Variants in PRKG1 observed in about 807,000 individuals in gnomAD.
The protein encoded by PRKG1 is protein kinase cGMP-dependent 1.
A neutral mutation model predicts 88.1 loss-of-function variants in PRKG1; 35 were observed. That is an observed-to-expected ratio of 0.40 (90% confidence interval 0.30 to 0.53). The LOEUF is 0.53. Ranked by LOEUF, PRKG1 falls within the 20% of genes least tolerant of loss-of-function variation. PRKG1 has a pLI of 0.59. For synonymous variants in PRKG1, 303 were observed against 292.5 expected, an observed-to-expected ratio of 1.04 and a Z score of -0.37; for missense variants, 540 against 839.8, an observed-to-expected ratio of 0.64 and a Z score of 4.41.
rs770343227 is a variant in PRKG1, at chr10:51,467,966, A to G, written c.592+130A>G. On this transcript the variant is annotated intron_variant, in intron 3 of 17. Coordinates refer to ENST00000373980, the MANE Select transcript of PRKG1 (RefSeq NM_006258.4). ...TTTGTATTTTAATTTTTGCCCTGCA[A>G]TATAGCTGATGTATTTGTTTTCCTA... The G allele has an allele frequency of 1.9e-5, 14 of 753,106 alleles. No homozygotes were observed. In the South Asian group the frequency reaches 2.2e-4, roughly 12 times the overall value. 46.7% of individuals were successfully genotyped at this position (753,106 alleles called of 1,614,324 possible).
At chr10:51,119,160 C>T (rs1466113118) in intron 1 of PRKG1, among the ~76,000 whole-genome samples, 1 of 152,040 alleles carries the variant, frequency 6.6e-6, no homozygotes, top group Non-Finnish European at 1.5e-5. Flanking sequence ...TTATTTGTAA[C>T]ATATAGGCTA....
At chr10:51,740,286 C>G (rs1042704817) in intron 3 of PRKG1, among the ~76,000 whole-genome samples, 2 of 152,200 alleles carry the variant, frequency 1.3e-5, no homozygotes, top group African/African-American at 4.8e-5. Flanking sequence ...GCCCTGGCCT[C>G]CCAAAGTGCT....
intron 2 of PRKG1, among the ~76,000 whole-genome samples, chr10:51,274,394 T>A (rs912763080): frequency 6.6e-6 from 1 of 152,168 alleles, no homozygotes; most frequent in Admixed American, 6.6e-5. Flanking sequence ...TGAAGTTTGA[T>A]TACTGCACAC....
intron 7 of PRKG1, among the ~76,000 whole-genome samples, chr10:52,075,334 C>T (rs973247542): frequency 6.6e-6 from 1 of 152,152 alleles, no homozygotes; most frequent in Non-Finnish European, 1.5e-5. Flanking sequence ...GATCTATACG[C>T]TCACCGCAAT....
chr10:51,910,410 G>A (rs1842191459), intron 5 of PRKG1: 1 of 152,140 alleles, frequency 6.6e-6, no homozygotes, highest in Admixed American at 6.5e-5. Flanking sequence ...ATGGTTCCAA[G>A]GTCCTTGAGA....
At chr10:51,123,711 A>G (rs1053421579) in intron 1 of PRKG1, among the ~76,000 whole-genome samples, 1 of 148,384 alleles carries the variant, frequency 6.7e-6, no homozygotes, top group Non-Finnish European at 1.5e-5. Context: ...AAAAAAAATT[A>G]CTGGAGGCTC....
At chr10:51,937,515 T>C (rs927397817) in intron 5 of PRKG1, among the ~76,000 whole-genome samples, 3 of 152,060 alleles carry the variant, frequency 2.0e-5, no homozygotes, top group Admixed American at 6.6e-5. Flanking sequence ...TGAATTCTTT[T>C]CGTTCCAGTC....
chr10:51,974,529 A>T (rs1247522853), intron 5 of PRKG1, among the ~76,000 whole-genome samples: 1 of 152,124 alleles, frequency 6.6e-6, no homozygotes. Flanking sequence ...TGTCATCTGT[A>T]CTTTAGACAC....
chr10:51,204,284 A>T (rs1236078505), intron 2 of PRKG1, among the ~76,000 whole-genome samples: 1 of 152,118 alleles, frequency 6.6e-6, no homozygotes, highest in Admixed American at 6.5e-5. Flanking sequence ...TTTCCTGAAA[A>T]TGATGGGAAG....
intron 3 of PRKG1, chr10:51,698,162 G>A (rs752151308): frequency 3.1e-6 from 5 of 1,613,990 alleles, no homozygotes; most frequent in African/African-American, 2.7e-5. Flanking sequence ...ACTGGGGACA[G>A]GGCCCCTCAT....
At chr10:51,381,274 A>G (rs1291455115) in intron 2 of PRKG1, among the ~76,000 whole-genome samples, 3 of 70,764 alleles carry the variant, frequency 4.2e-5, no homozygotes, top group African/African-American at 1.3e-4. Context: ...AAAAAAAAAA[A>G]AAAAAAAAAA....
chr10:51,436,845 G>A (rs972146261), intron 2 of PRKG1, among the ~76,000 whole-genome samples: 3 of 151,984 alleles, frequency 2.0e-5, no homozygotes, highest in Admixed American at 2.0e-4. Context: ...AGACCTGTAA[G>A]CTAAATTCTC....
rs1365400878 is a variant in PRKG1 at position 52,272,377 on chromosome 10, G to C, written c.1314-15G>C. 6.4e-7 allele frequency: 1 copy of C among 1,553,714 alleles called. No individual in the cohort carries two copies. Among genetic ancestry groups the C allele is most frequent in the East Asian group, 2.3e-5 (1 of 44,134 alleles). On this transcript the variant is annotated splice_polypyrimidine_tract_variant and intron_variant, in intron 11 of 17. Transcript: ENST00000373980. ...TAATGTTTATAATCTTTGTTTTCTT[G>C]TTTGCAATTTACAGACTGTACAGAA...
chr10:51,233,896 G>A (rs567790801), intron 2 of PRKG1, among the ~76,000 whole-genome samples: 36 of 152,242 alleles, frequency 2.4e-4, no homozygotes, highest in African/African-American at 6.3e-4. Flanking sequence ...ACTCTCAGGT[G>A]TCTTGTTACA....
chr10:51,196,206 T>A (rs1837760706), intron 2 of PRKG1, among the ~76,000 whole-genome samples: 1 of 152,194 alleles, frequency 6.6e-6, no homozygotes, highest in African/African-American at 2.4e-5. Flanking sequence ...CCTTTCTGTA[T>A]CCCAGATGGG....
chr10:51,989,623 A>G (rs1338856298), intron 5 of PRKG1, among the ~76,000 whole-genome samples: 1 of 151,960 alleles, frequency 6.6e-6, no homozygotes, highest in Non-Finnish European at 1.5e-5. Context: ...TTATGAAGAG[A>G]ATATTTCCTC....
chr10:51,603,325 T>C (rs1407253314), intron 3 of PRKG1, among the ~76,000 whole-genome samples: 1 of 152,144 alleles, frequency 6.6e-6, no homozygotes. Flanking sequence ...GCCGGGACTT[T>C]CAAATCAACT....
intron 2 of PRKG1, among the ~76,000 whole-genome samples, chr10:51,217,422 C>T (rs936176986): frequency 4.6e-5 from 7 of 152,180 alleles, no homozygotes; most frequent in Middle Eastern, 6.8e-3. Flanking sequence ...AAATCTATCA[C>T]CATCTCTCTT....
chr10:51,652,595 A>G (rs1379479095), intron 3 of PRKG1, among the ~76,000 whole-genome samples: 5 of 152,096 alleles, frequency 3.3e-5, no homozygotes. Context: ...TGGCCTTTTT[A>G]ATTTTTAAAT....
Sources: gnomAD v4.1 joint callset for allele counts (sites outside exome capture counted in the v4.1 genomes callset) on GRCh38, gnomAD v4.1.1 for gene constraint, MANE v1.5 for transcripts, NCBI Gene and HGNC (gene_info 2026-07-23, HGNC 2026-07-21) for gene names.